CACNB2: variants seen among roughly 807,000 people sequenced by gnomAD.
The protein encoded by CACNB2 is calcium voltage-gated channel auxiliary subunit beta 2, also known as voltage-dependent L-type calcium channel subunit beta-2.
Under a neutral mutation model 73.3 loss-of-function variants are expected in CACNB2, and 42 were observed. The observed-to-expected ratio is 0.57, with a 90% CI of 0.45 to 0.74. CACNB2 has a LOEUF of 0.74. Among genes scored for constraint, CACNB2 ranks in the 30% least tolerant of loss-of-function variants. The probability of loss-of-function intolerance (pLI) is 0.00; values close to 1 mark genes in which losing one functional copy is unlikely to be tolerated. For synonymous variants in CACNB2, 348 were observed against 310.3 expected (o/e 1.12, Z -1.28); for missense variants, 940 against 853.0 (o/e 1.10, Z -1.27).
intron 9 of CACNB2, among the ~76,000 whole-genome samples, chr10:18,525,804 T>A (rs2052411697): frequency 6.6e-6 from 1 of 152,202 alleles, no homozygotes; most frequent in African/African-American, 2.4e-5. Flanking sequence ...CTTCCAACTC[T>A]TTTTTGTTTT....
At chr10:18,170,930 T>C (rs955352722) in intron 2 of CACNB2, among the ~76,000 whole-genome samples, 3 of 152,236 alleles carry the variant, frequency 2.0e-5, no homozygotes, top group Non-Finnish European at 4.4e-5. Context: ...AAAGTAATGA[T>C]AATTCTTGCA....
intron 2 of CACNB2, among the ~76,000 whole-genome samples, chr10:18,265,668 G>A (rs905970303): frequency 9.9e-5 from 15 of 152,204 alleles, no homozygotes; most frequent in Non-Finnish European, 1.9e-4. Context: ...GTGTGATAGT[G>A]GGGTTCTTTT....
chr10:18,154,079 C>T (rs1260761822), intron 2 of CACNB2, among the ~76,000 whole-genome samples: 1 of 151,652 alleles, frequency 6.6e-6, no homozygotes, highest in African/African-American at 2.4e-5. Flanking sequence ...TTAGAGTCTA[C>T]TATAGCCCTT....
intron 2 of CACNB2, among the ~76,000 whole-genome samples, chr10:18,252,086 A>G (rs1022536765): frequency 3.9e-5 from 6 of 152,200 alleles, no homozygotes; most frequent in Admixed American, 2.6e-4. Flanking sequence ...TTTTATTACT[A>G]TTCTTGGGTC....
chr10:18,474,265 C>T (rs71497246), intron 3 of CACNB2, among the ~76,000 whole-genome samples: 20,721 of 152,122 alleles, frequency 0.14, 1,526 homozygotes, highest in Admixed American at 0.18. Flanking sequence ...ACAAAGAAGC[C>T]TAGGGCCGGA....
chr10:18,290,465 C>A (rs1240888183), intron 2 of CACNB2, among the ~76,000 whole-genome samples: 1 of 152,152 alleles, frequency 6.6e-6, no homozygotes, highest in Non-Finnish European at 1.5e-5. Flanking sequence ...CACCTCCCAT[C>A]ACCTCAATCT....
intron 2 of CACNB2, among the ~76,000 whole-genome samples, chr10:18,270,662 A>G (rs548523492): frequency 3.2e-4 from 49 of 152,158 alleles, no homozygotes; most frequent in African/African-American, 1.2e-3. Context: ...TTTCCTAACA[A>G]TCAACACTCT....
chr10:18,395,932 TCTCTCATCAG>T (rs1325160272), intron 2 of CACNB2, among the ~76,000 whole-genome samples: 2 of 152,192 alleles, frequency 1.3e-5, no homozygotes, highest in Non-Finnish European at 2.9e-5. Flanking sequence ...AGAGTCAGGA[TCTCTCATCAG>T]TACATAGTTG....
At chr10:18,536,344 G>T (rs550128893) in intron 12 of CACNB2, 148 bp downstream of exon 12, 2 of 578,824 alleles carry the variant, frequency 3.5e-6, no homozygotes, top group Non-Finnish European at 5.9e-6. Flanking sequence ...CTGCAGCCCT[G>T]AACTCCCGGG....
At chr10:18,525,712 TTATTA>T (rs1348298166) in intron 9 of CACNB2, among the ~76,000 whole-genome samples, 3 of 152,266 alleles carry the variant, frequency 2.0e-5, no homozygotes, top group African/African-American at 7.2e-5. Flanking sequence ...TCTGTCTTCT[TTATTA>T]TCTTTTTCTG....
intron 2 of CACNB2, among the ~76,000 whole-genome samples, chr10:18,154,827 T>C (rs1291836736): frequency 1.3e-5 from 2 of 152,164 alleles, no homozygotes; most frequent in Admixed American, 1.3e-4. Flanking sequence ...GAAAAGGTCA[T>C]GTGAGGACAC....
At chr10:18,510,105 A>G (rs2050686143) in intron 6 of CACNB2, among the ~76,000 whole-genome samples, 1 of 152,174 alleles carries the variant, frequency 6.6e-6, no homozygotes, top group African/African-American at 2.4e-5. Context: ...TCAGAATTCT[A>G]CGTATTTCAA....
At chr10:18,409,763 A>C (rs1397590987) in intron 3 of CACNB2, among the ~76,000 whole-genome samples, 1 of 152,172 alleles carries the variant, frequency 6.6e-6, no homozygotes, top group African/African-American at 2.4e-5. Flanking sequence ...TGCCCCAGAG[A>C]GGACTCCCCC....
intron 9 of CACNB2, among the ~76,000 whole-genome samples, chr10:18,526,034 A>T (rs1431919844): frequency 6.6e-6 from 1 of 152,204 alleles, no homozygotes; most frequent in African/African-American, 2.4e-5. Context: ...GATGCCTGAC[A>T]AACTGTCCTG....
chr10:18,217,455 G>A (rs1441207798), intron 2 of CACNB2, among the ~76,000 whole-genome samples: 2 of 152,046 alleles, frequency 1.3e-5, no homozygotes, highest in African/African-American at 2.4e-5. Flanking sequence ...CTGTACTCCA[G>A]CCTGGGCGAC....
At position 18,498,407 on chromosome 10, in the gene CACNB2, A is replaced by T. The variant is rs755941070; in HGVS notation, c.386A>T (p.His129Leu). Residue 129 changes from histidine to leucine, a missense_variant, in exon 4 of 14, where the codon CAT becomes CTT. Physicochemically the swap from His to Leu is moderately conservative, Grantham distance 99. Transcript: ENST00000324631. ...ACAAATGTCAGCTACAGTGCGGCCC[A>T]TGAAGATGATGTTCCAGTGCCTGGC... The part of the protein sequence containing the change: ...VRTNVSYSAA[H>L]EDDVPVPGMA... 1 of 1,614,168 alleles carries T rather than the reference A, an allele frequency of 6.2e-7. No individual in the cohort carries two copies. The highest frequency in any genetic ancestry group is 8.5e-7 in the Non-Finnish European group (1 of 1,179,992).
At chr10:18,522,767 A>T (rs888460130) in intron 9 of CACNB2, among the ~76,000 whole-genome samples, 1 of 151,528 alleles carries the variant, frequency 6.6e-6, no homozygotes, top group Non-Finnish European at 1.5e-5. Flanking sequence ...AGTCCCAGCT[A>T]CTCGAAAAGC....
chr10:18,515,205 C>A (rs1399035456), intron 7 of CACNB2, among the ~76,000 whole-genome samples: 2 of 152,226 alleles, frequency 1.3e-5, no homozygotes, highest in Non-Finnish European at 2.9e-5. Context: ...TCCTTGTCCC[C>A]TAAATGGAAA....
intron 2 of CACNB2, among the ~76,000 whole-genome samples, chr10:18,210,995 A>G (rs1364964864): frequency 4.6e-5 from 7 of 152,190 alleles, no homozygotes; most frequent in Admixed American, 3.3e-4. Context: ...ACACCATTGG[A>G]GTAGCTACTT....
Sources: gnomAD v4.1 joint callset for allele counts (sites outside exome capture counted in the v4.1 genomes callset) on GRCh38, gnomAD v4.1.1 for gene constraint, MANE v1.5 for transcripts, NCBI Gene and HGNC (gene_info 2026-07-23, HGNC 2026-07-21) for gene names.